PFKFB3: variants seen among roughly 807,000 people sequenced by gnomAD.
PFKFB3 encodes 6-phosphofructo-2-kinase/fructose-2,6-biphosphatase 3.
A neutral mutation model predicts 68.0 loss-of-function variants in PFKFB3; 33 were observed. The ratio of observed to expected loss-of-function variants is 0.49; its 90% CI spans 0.37 to 0.65. The LOEUF is 0.65. Ranked by LOEUF, PFKFB3 falls within the 30% of genes least tolerant of loss-of-function variation. PFKFB3 has a pLI of 0.00. For synonymous variants in PFKFB3, 315 were observed against 288.2 expected, an observed-to-expected ratio of 1.09 and a Z score of -0.94; for missense variants, 586 against 712.2, an observed-to-expected ratio of 0.82 and a Z score of 2.02.
chr10:6,175,238 T>C (rs1405575705), intron 1 of PFKFB3, among the ~76,000 whole-genome samples: 2 of 152,262 alleles, frequency 1.3e-5, no homozygotes, highest in Non-Finnish European at 2.9e-5. Context: ...TCAATGGCCA[T>C]TATGACCAGA....
At chr10:6,252,518 T>A (rs188368833) in intron 14 of PFKFB3, among the ~76,000 whole-genome samples, 17 of 152,288 alleles carry the variant, frequency 1.1e-4, no homozygotes, top group African/African-American at 4.1e-4. Flanking sequence ...AGGACAAACT[T>A]AGAAATGATT....
intron 1 of PFKFB3, among the ~76,000 whole-genome samples, chr10:6,167,078 C>T (rs984961361): frequency 3.3e-5 from 5 of 152,232 alleles, no homozygotes; most frequent in African/African-American, 7.2e-5. Context: ...CCTCGGCCTC[C>T]CAAAGTGCTG....
intron 1 of PFKFB3, among the ~76,000 whole-genome samples, chr10:6,172,456 A>T (rs1348803892): frequency 6.6e-6 from 1 of 152,232 alleles, no homozygotes; most frequent in Admixed American, 6.5e-5. Context: ...ACGTTCAGAA[A>T]GCACATTTAA....
intron 1 of PFKFB3, among the ~76,000 whole-genome samples, chr10:6,158,770 G>A (rs571920499): frequency 6.6e-6 from 1 of 151,998 alleles, no homozygotes; most frequent in Non-Finnish European, 1.5e-5. Flanking sequence ...CAGAGACTGA[G>A]GCAAGAGAAT....
chr10:6,295,927 A>G, the PFKFB3 span, among the ~76,000 whole-genome samples: 2 of 152,178 alleles, frequency 1.3e-5, no homozygotes, highest in East Asian at 1.9e-4. Context: ...AGAGCTTTCA[A>G]TTCTCAAGCT....
intron 1 of PFKFB3, among the ~76,000 whole-genome samples, chr10:6,194,129 G>A (rs557628725): frequency 5.1e-4 from 78 of 152,320 alleles, no homozygotes; most frequent in African/African-American, 1.8e-3. Flanking sequence ...AGGTCTAGAC[G>A]AGGTGTAGAG....
chr10:6,279,905 G>A, the PFKFB3 span, among the ~76,000 whole-genome samples: 42 of 151,590 alleles, frequency 2.8e-4, 1 homozygote, highest in East Asian at 8.1e-3. Flanking sequence ...GCTGCATGCT[G>A]TGTGTGTAGG....
the PFKFB3 span, among the ~76,000 whole-genome samples, chr10:6,259,993 G>A: frequency 6.6e-6 from 1 of 152,104 alleles, no homozygotes; most frequent in Non-Finnish European, 1.5e-5. Flanking sequence ...CCTAAGATAT[G>A]TGTATTATTG....
intron 1 of PFKFB3, among the ~76,000 whole-genome samples, chr10:6,171,456 C>A (rs535451641): frequency 6.7e-6 from 1 of 149,962 alleles, no homozygotes; most frequent in Non-Finnish European, 1.5e-5. Flanking sequence ...AGTGCAGTGG[C>A]GCGATCTTGG....
At chr10:6,312,143 G>T in the PFKFB3 span, among the ~76,000 whole-genome samples, 2 of 152,174 alleles carry the variant, frequency 1.3e-5, no homozygotes, top group African/African-American at 2.4e-5. Flanking sequence ...CTCCGGGATT[G>T]TCTTGGCTGT....
chr10:6,237,627 GGT>G (rs1198157002), downstream of PFKFB3, among the ~76,000 whole-genome samples: 1 of 152,178 alleles, frequency 6.6e-6, no homozygotes, highest in Non-Finnish European at 1.5e-5. Flanking sequence ...GGAGTGCAGA[GGT>G]GTGACAGCTC....
the PFKFB3 span, among the ~76,000 whole-genome samples, chr10:6,272,312 G>A: frequency 2.0e-4 from 31 of 152,252 alleles, no homozygotes; most frequent in African/African-American, 5.5e-4. Flanking sequence ...GAAGGTGATC[G>A]TTCCAATTGC....
chr10:6,185,130 A>G (rs1842834506), intron 1 of PFKFB3, among the ~76,000 whole-genome samples: 1 of 152,208 alleles, frequency 6.6e-6, no homozygotes, highest in South Asian at 2.1e-4. Context: ...CACTAGGGTG[A>G]CCACGGCACG....
chr10:6,217,158 C>T lies in PFKFB3; in HGVS notation c.465C>T (p.Cys155=), dbSNP rs746271169. ...DFKAFFIESV[C]DDPTVVASNI... ...AGGCGTTTTTCATCGAGTCGGTGTG[C>T]GACGACCCTACAGTTGTGGCCTCCA... The change falls in exon 6 of 15, where the codon TGC becomes TGT. Residue 155 remains cysteine, a synonymous_variant. Transcript: ENST00000379775. The T allele has an allele frequency of 1.4e-5, 22 of 1,613,992 alleles. No homozygotes were observed. Among genetic ancestry groups the T allele is most frequent in the East Asian group, 2.2e-5 (1 of 44,888 alleles).
intron 14 of PFKFB3, among the ~76,000 whole-genome samples, chr10:6,253,784 G>A (rs532684531): frequency 6.6e-5 from 10 of 152,150 alleles, no homozygotes; most frequent in Non-Finnish European, 1.0e-4. Context: ...GCTCACGCCT[G>A]TAATCCCAGC....
intron 1 of PFKFB3, among the ~76,000 whole-genome samples, chr10:6,167,274 A>G (rs1313102471): frequency 6.6e-6 from 1 of 152,236 alleles, no homozygotes; most frequent in Non-Finnish European, 1.5e-5. Context: ...GGTACCAGGT[A>G]CAGTCCTCTG....
intron 1 of PFKFB3, among the ~76,000 whole-genome samples, chr10:6,204,283 G>A (rs1163307930): frequency 6.6e-6 from 1 of 152,272 alleles, no homozygotes; most frequent in African/African-American, 2.4e-5. Flanking sequence ...ACAGGGAGCC[G>A]CCTGGTGCGG....
Position 6,220,070 on chromosome 10 carries a change from CATTT to C in PFKFB3, c.623+395_623+398del, listed in dbSNP as rs760628655. On this transcript the variant is annotated intron_variant, in intron 7 of 14. Transcript: ENST00000379775. This position sits in a 1 kb window ranked among gnomAD's most constrained non-coding sequence, Gnocchi z 4.1. ...CTTTCTTTTTTCTTTCCTTTCTTTC[CATTT>C]ATTTATTTATTTATTTACTTACTTA... Among the ~76,000 whole-genome samples the C allele has an allele frequency of 3.8e-4, 58 of 151,556 alleles. No homozygotes were observed. The highest frequency in any genetic ancestry group is 1.3e-3 in the African/African-American group (54 of 41,094).
intron 14 of PFKFB3, 137 bp downstream of exon 14, chr10:6,226,502 G>A: frequency 2.7e-6 from 2 of 742,776 alleles, no homozygotes; most frequent in Non-Finnish European, 4.3e-6. Flanking sequence ...TGTTGTAGGT[G>A]TCTGTGCACG....
Sources: allele counts gnomAD v4.1 joint callset (sites outside exome capture counted in the v4.1 genomes callset), GRCh38; gene constraint gnomAD v4.1.1; non-coding constraint Gnocchi (gnomAD v3.1); transcripts MANE v1.5; gene names NCBI Gene and HGNC (gene_info 2026-07-23, HGNC 2026-07-21).